ECHDC2: variants seen among roughly 807,000 people sequenced by gnomAD.
ECHDC2 encodes the protein enoyl-CoA hydratase domain containing 2.
Under a neutral mutation model 40.6 loss-of-function variants are expected in ECHDC2, and 34 were observed. The observed-to-expected ratio is 0.84, with a 90% confidence interval of 0.64 to 1.11. The LOEUF is 1.11. Among genes scored for constraint, ECHDC2 ranks in the 50% most tolerant of loss-of-function variants. ECHDC2 has a pLI of 0.00. For synonymous variants in ECHDC2, 162 were observed against 166.6 expected (o/e 0.97, Z 0.21); for missense variants, 392 against 400.7 (o/e 0.98, Z 0.19).
intron 5 of ECHDC2, chr1:52,905,483 TCTGGCTTAGCCCTGGC>T (rs1192027886): frequency 1.5e-5 from 3 of 204,664 alleles, no homozygotes; most frequent in Non-Finnish European, 3.0e-5. Context: ...TAATAGGTTC[TCTGGCTTAGCCCTGGC>T]CTGGCCTAGA....
At chr1:52,908,514 GAAAAA>G (rs1161285370) in intron 3 of ECHDC2, among the ~76,000 whole-genome samples, 6 of 150,440 alleles carry the variant, frequency 4.0e-5, no homozygotes, top group African/African-American at 1.5e-4. Flanking sequence ...GAAGAAAAAA[GAAAAA>G]AAAGAAAAGA....
At chr1:52,899,293 A>G in intron 7 of ECHDC2, 69 bp from the exon 8 acceptor site, 1 of 1,497,132 alleles carries the variant, frequency 6.7e-7, no homozygotes, top group Non-Finnish European at 9.2e-7. Context: ...TGAGGTGCAC[A>G]GCTTTGTTTT....
At chr1:52,919,140 C>G (rs1557522908) in intron 1 of ECHDC2, among the ~76,000 whole-genome samples, 1 of 152,092 alleles carries the variant, frequency 6.6e-6, no homozygotes, top group Admixed American at 6.5e-5. Context: ...TCTGTCCGCC[C>G]GCAAGTCCAT....
rs201328818 is a variant in ECHDC2 at position 52,911,706 on chromosome 1, C to A, written c.189+17G>T. On this transcript the variant is annotated intron_variant, in intron 2 of 9. Coordinates refer to ENST00000371522, the MANE Select transcript of ECHDC2 (RefSeq NM_001198961.2). ...CCAGCCCATCCCCAGCCCACCCTGG[C>A]GCCCGCCCTTTCTTACCTCACTGAC... 2 of 1,614,148 alleles carry A rather than the reference C, an allele frequency of 1.2e-6. No homozygotes were observed. Among genetic ancestry groups the A allele is most frequent in the East Asian group, 4.5e-5 (2 of 44,882 alleles).
chr1:52,921,420 G>A lies in ECHDC2; in HGVS notation c.121+133C>T, dbSNP rs1651861217. ...CACCTCTCAGGCCTGGAGCGGTTTG[G>A]GGCGCCTAGAACTGGGAGGGAGGGA... On this transcript the variant is annotated intron_variant, in intron 1 of 9. Transcript: ENST00000371522. The A allele has an allele frequency of 1.1e-5, 16 of 1,426,608 alleles. No individual in the cohort carries two copies. The South Asian group carries it at 1.8e-4, about 16-fold the overall frequency. 88.4% of individuals were successfully genotyped at this position (1,426,608 alleles called of 1,614,324 possible). A position where few individuals can be genotyped will look rare whatever the true frequency, so the allele number is the denominator to read the frequency against.
Position 52,896,472 on chromosome 1 carries a change from C to G in ECHDC2, c.*48G>C, listed in dbSNP as rs765191461. ...CTGGCCACAAATCTTCCTTCTGGAT[C>G]CTGCTCTTCAGGGCATGCATCTCCC... On this transcript the variant is annotated 3_prime_UTR_variant, in exon 10 of 10. Coordinates refer to ENST00000371522, the MANE Select transcript of ECHDC2 (RefSeq NM_001198961.2). 1 of 1,458,418 alleles carries G rather than the reference C, an allele frequency of 6.9e-7. No homozygotes were observed. The highest frequency in any genetic ancestry group is 9.6e-7 in the Non-Finnish European group (1 of 1,037,876). The allele number at this position is 1,458,418 out of a possible 1,614,324, so 90.3% of individuals were successfully genotyped here.
intron 1 of ECHDC2, among the ~76,000 whole-genome samples, chr1:52,919,981 T>C (rs549252346): frequency 1.3e-5 from 2 of 152,164 alleles, no homozygotes; most frequent in Non-Finnish European, 2.9e-5. Flanking sequence ...CATGTACAAG[T>C]CTGTATTTTG....
At chr1:52,896,897 G>A (rs1233931823) in intron 9 of ECHDC2, 1 of 354,014 alleles carries the variant, frequency 2.8e-6, no homozygotes, top group Non-Finnish European at 5.2e-6. Flanking sequence ...CTGCTCAGTA[G>A]AGAAAAAAAT....
intron 4 of ECHDC2, 108 bp downstream of exon 4, chr1:52,907,760 G>T: frequency 1.0e-6 from 1 of 979,706 alleles, no homozygotes; most frequent in Non-Finnish European, 1.5e-6. Flanking sequence ...TCTTATCACA[G>T]AACTCCAAAC....
intron 3 of ECHDC2, among the ~76,000 whole-genome samples, chr1:52,908,660 G>A (rs1381019291): frequency 4.6e-5 from 7 of 151,994 alleles, no homozygotes; most frequent in African/African-American, 7.2e-5. Context: ...AGGGCCAGGC[G>A]CAGTGGCTCA....
rs747556254 is a variant in ECHDC2, at chr1:52,905,110, T to G, written c.458-20A>C. 6.2e-7 allele frequency: 1 copy of G among 1,613,464 alleles called. No homozygotes were observed. The highest frequency in any genetic ancestry group is 2.2e-5 in the East Asian group (1 of 44,878). ...AGGAAGCTGCTCAGATAGAACAAAG[T>G]GAGGCCTCCCTCCCCCATCCGGTCC... is the stretch of plus-strand genomic sequence containing the variant. On this transcript the variant is annotated intron_variant, in intron 5 of 9. Transcript: ENST00000371522.
In ECHDC2 at chr1:52,921,536, C is replaced by G. The variant is rs1275575532; in HGVS notation, c.121+17G>C. 1.9e-6 allele frequency: 3 copies of G among 1,605,570 alleles called. No homozygotes were observed. The highest frequency in any genetic ancestry group is 1.7e-6 in the Non-Finnish European group (2 of 1,176,896). ...GTCCCAGTCGCGTCATGCGCCGCCC[C>G]GGAACTGCACATTTACCTTGGTCCG... On this transcript the variant is annotated intron_variant, in intron 1 of 9. Transcript: ENST00000371522.
chr1:52,913,801 G>A (rs932098322), intron 1 of ECHDC2: 2 of 488,608 alleles, frequency 4.1e-6, no homozygotes, highest in African/African-American at 2.1e-5. Flanking sequence ...ACTGGGGTTC[G>A]CTCTTGGTGG....
chr1:52,920,604 C>T, intron 1 of ECHDC2: 1 of 1,084,222 alleles, frequency 9.2e-7, no homozygotes, highest in Admixed American at 1.7e-5. Flanking sequence ...GTAAGCTGTT[C>T]CCTGTGCCTA....
In ECHDC2 at chr1:52,896,508, T is replaced by C. The variant is rs1271266858; in HGVS notation, c.*12A>G. 6.2e-7 allele frequency: 1 copy of C among 1,611,626 alleles called. No homozygotes were observed. The highest frequency in any genetic ancestry group is 2.2e-5 in the East Asian group (1 of 44,866). ...GGGCATGCATCTCCCATGCTGAAGG[T>C]TAAAATGGGGGTCATTTGCCAACAA... On this transcript the variant is annotated 3_prime_UTR_variant, in exon 10 of 10. Transcript: ENST00000371522.
intron 9 of ECHDC2, chr1:52,896,843 C>G (rs1646666729): frequency 4.1e-6 from 2 of 493,360 alleles, no homozygotes; most frequent in Middle Eastern, 5.5e-4. Flanking sequence ...TGCTTTCATG[C>G]CTCCTGAGAA....
At chr1:52,905,210 GC>G in intron 5 of ECHDC2, 120 bp from the exon 6 acceptor site, 2 of 1,099,222 alleles carry the variant, frequency 1.8e-6, no homozygotes, top group Non-Finnish European at 2.7e-6. Context: ...CCATGGTCTG[GC>G]CACAGCCAGG....
intron 7 of ECHDC2, among the ~76,000 whole-genome samples, chr1:52,903,803 G>A (rs1647154121): frequency 6.7e-6 from 1 of 150,300 alleles, no homozygotes; most frequent in Non-Finnish European, 1.5e-5. Flanking sequence ...CCTGTATGTT[G>A]TATTTCTTTC....
At chr1:52,915,703 G>A (rs1650528194) in intron 1 of ECHDC2, among the ~76,000 whole-genome samples, 1 of 152,180 alleles carries the variant, frequency 6.6e-6, no homozygotes, top group South Asian at 2.1e-4. Context: ...TGGCCCTCAT[G>A]TTTACATCCT....
Sources: allele counts gnomAD v4.1 joint callset (sites outside exome capture counted in the v4.1 genomes callset), GRCh38; gene constraint gnomAD v4.1.1; transcripts MANE v1.5; gene names NCBI Gene and HGNC (gene_info 2026-07-23, HGNC 2026-07-21).